The following CFAP54 variants were observed in gnomAD, a reference collection of about 807,000 sequenced individuals.
CFAP54 encodes cilia- and flagella-associated protein 54.
Under a neutral mutation model 370.4 loss-of-function variants are expected in CFAP54, and 290 were observed. That is an observed-to-expected ratio of 0.78 (90% CI 0.71 to 0.86). The LOEUF is 0.86. Ranked by LOEUF, CFAP54 falls within the 40% of genes least tolerant of loss-of-function variation. CFAP54 has a pLI of 0.00. For synonymous variants in CFAP54, 1,206 were observed against 1,236.5 expected (o/e 0.98, Z 0.52); for missense variants, 3,399 against 3,528.7 (o/e 0.96, Z 0.93).
Position 96,613,592 on chromosome 12 carries a change from A to C in CFAP54, c.3640-7998A>C, listed in dbSNP as rs533143589. On this transcript the variant is annotated intron_variant, in intron 26 of 67. Coordinates refer to ENST00000524981, the MANE Select transcript of CFAP54 (RefSeq NM_001306084.2). ...AATGAATCCAGGAGCTGGTTTTTTG[A>C]AAAGACCAACAAAATTGATAGACCA... 2.6e-5 allele frequency among the ~76,000 whole-genome samples: 4 copies of C among 152,306 alleles called. No individual in the cohort carries two copies. In the East Asian group the frequency reaches 7.7e-4, roughly 29 times the overall value.
Position 96,827,072 on chromosome 12 carries a change from A to G in CFAP54, c.9097-1942A>G, listed in dbSNP as rs959289042. 7.4e-5 allele frequency among the ~76,000 whole-genome samples: 10 copies of G among 135,760 alleles called. 1 individual carries two copies. The highest frequency in any genetic ancestry group is 2.7e-4 in the African/African-American group (10 of 36,752). 89.1% of individuals were successfully genotyped at this position (135,760 alleles called of 152,430 possible). A position where few individuals can be genotyped will look rare whatever the true frequency, so the allele number is the denominator to read the frequency against. ...TTATATGTGATTATATATAATATGCAATTATATGTGATTATATATAATGTG... is the reference window on the plus strand; with the variant it reads ...TTATATGTGATTATATATAATATGCGATTATATGTGATTATATATAATGTG... On this transcript the variant is annotated intron_variant, in intron 65 of 67. Coordinates refer to ENST00000524981, the MANE Select transcript of CFAP54 (RefSeq NM_001306084.2).
chr12:96,724,463 A>G (rs971400458), intron 50 of CFAP54, among the ~76,000 whole-genome samples: 3 of 152,208 alleles, frequency 2.0e-5, no homozygotes, highest in Admixed American at 1.3e-4. Context: ...TTTTGGCTGC[A>G]TAAATGTCTT....
In CFAP54 at chr12:96,626,867, TA is replaced by T; in HGVS notation, c.4035del (p.Lys1345AsnfsTer3). 7.0e-7 allele frequency: 1 copy of T among 1,427,230 alleles called. No homozygotes were observed. 88.4% of individuals were successfully genotyped at this position (1,427,230 alleles called of 1,614,324 possible). On this transcript the variant is annotated frameshift_variant, in exon 30 of 68. Coordinates refer to ENST00000524981, the MANE Select transcript of CFAP54 (RefSeq NM_001306084.2). LOFTEE classifies it high-confidence loss of function. The part of the protein sequence containing the change: ...RFLEFFTQVM[L>X]KCMNEEKFHL... ...CTGGAATTCTTTACACAAGTTATGC[TA>T]AAATGCATGAATGAGGAAAAATTTC...
intron 60 of CFAP54, among the ~76,000 whole-genome samples, chr12:96,778,830 G>A (rs970358979): frequency 2.6e-5 from 4 of 151,970 alleles, no homozygotes; most frequent in Admixed American, 1.3e-4. Flanking sequence ...AATCATGGCC[G>A]GGCGTGATGG....
chr12:96,637,421 T>C (rs562952887), intron 32 of CFAP54, among the ~76,000 whole-genome samples: 11 of 152,352 alleles, frequency 7.2e-5, no homozygotes, highest in Non-Finnish European at 1.6e-4. Flanking sequence ...TTCTTTCTTT[T>C]GGCGAATTTA....
At chr12:96,675,255 A>T (rs998669089) in intron 39 of CFAP54, among the ~76,000 whole-genome samples, 2 of 152,100 alleles carry the variant, frequency 1.3e-5, no homozygotes, top group Admixed American at 6.6e-5. Flanking sequence ...AAAACAAACA[A>T]CCCCATCAAC....
At position 96,784,842 on chromosome 12, in the gene CFAP54, C is replaced by T. The variant is rs1030492190; in HGVS notation, c.8407C>T (p.Arg2803Cys). The stretch of plus-strand genomic sequence containing the variant: ...GGATATTACATGGATCCTTCTACTG[C>T]GCTACTATATTCACCTTCAGAGGAT... The part of the protein sequence containing the change: ...KVDITWILLL[R>C]YYIHLQRINN... The change falls in exon 61 of 68, where the codon CGC becomes TGC. Residue 2803 changes from arginine to cysteine, a missense_variant. Around this residue, in one of 3 missense-constraint regions of CFAP54, gnomAD observed 2,796 missense variants for 2,869.7 expected, o/e 0.97. Coordinates refer to ENST00000524981, the MANE Select transcript of CFAP54 (RefSeq NM_001306084.2). 117 of 1,532,570 alleles carry T rather than the reference C, an allele frequency of 7.6e-5. No individual in the cohort carries two copies. Among genetic ancestry groups the T allele is most frequent in the Admixed American group, 2.0e-4 (10 of 50,670 alleles). The allele number at this position is 1,532,570 out of a possible 1,614,324, so 94.9% of individuals were successfully genotyped here.
chr12:96,564,512 C>A lies in CFAP54; in HGVS notation c.2455C>A (p.Pro819Thr). 1 of 698,794 alleles carries A rather than the reference C, an allele frequency of 1.4e-6. No individual in the cohort carries two copies. Among genetic ancestry groups the A allele is most frequent in the South Asian group, 1.5e-5 (1 of 66,716 alleles). The allele number at this position is 698,794 out of a possible 1,614,324, so 43.3% of individuals were successfully genotyped here. ...TAGCAAAGATATTTCTACCAAGGGT[C>A]CGGAAAAGTTAAAACAATCTGGAAG... ...TVSKDISTKG[P>T]EKLKQSGSTD... The change falls in exon 18 of 68, where the codon CCG (proline) becomes ACG (threonine). Residue 819 changes from proline to threonine, a missense_variant. Physicochemically the swap from Pro to Thr is conservative, Grantham distance 38. Coordinates refer to ENST00000524981, the MANE Select transcript of CFAP54 (RefSeq NM_001306084.2).
rs751441080 is a variant in CFAP54, at chr12:96,489,675, A to C, written c.66A>C (p.Pro22=). 6.5e-7 allele frequency: 1 copy of C among 1,535,834 alleles called. No homozygotes were observed. Among genetic ancestry groups the C allele is most frequent in the Non-Finnish European group, 8.7e-7 (1 of 1,146,688 alleles). ...ACTCTACCACCTCGGGGTCTCTGCC[A>C]GAACTGCCGCCGACCTCCACCGCGA... The part of the protein sequence containing the change: ...SDDSTTSGSL[P]ELPPTSTATS... Residue 22 remains proline, a synonymous_variant, in exon 1 of 68, where the codon CCA becomes CCC. Coordinates refer to ENST00000524981, the MANE Select transcript of CFAP54 (RefSeq NM_001306084.2).
intron 34 of CFAP54, among the ~76,000 whole-genome samples, chr12:96,649,230 A>T (rs1214291957): frequency 6.6e-6 from 1 of 152,228 alleles, no homozygotes; most frequent in African/African-American, 2.4e-5. Context: ...TGTGCATATC[A>T]TACTGTGTAT....
intron 60 of CFAP54, among the ~76,000 whole-genome samples, chr12:96,781,983 T>C (rs147849515): frequency 6.6e-6 from 1 of 152,222 alleles, no homozygotes; most frequent in Non-Finnish European, 1.5e-5. Flanking sequence ...AAGCAGCATA[T>C]TAAAAGATAC....
At chr12:96,806,159 A>AATATATATAT (rs548500750) in intron 63 of CFAP54, among the ~76,000 whole-genome samples, 35 of 27,874 alleles carry the variant, frequency 1.3e-3, no homozygotes, top group South Asian at 4.6e-3. Context: ...TCACTAGCCA[A>AATATATATAT]ATATATATAT....
At chr12:96,551,374 C>T (rs1955692298) in intron 15 of CFAP54, among the ~76,000 whole-genome samples, 1 of 151,990 alleles carries the variant, frequency 6.6e-6, no homozygotes, top group African/African-American at 2.4e-5. Context: ...GAAAATTCCT[C>T]CTCCTAATGA....
At chr12:96,716,878 T>A (rs1957687545) in intron 48 of CFAP54, among the ~76,000 whole-genome samples, 1 of 152,138 alleles carries the variant, frequency 6.6e-6, no homozygotes, top group African/African-American at 2.4e-5. Context: ...TAAGTGAACA[T>A]GATTAGTCTG....
intron 66 of CFAP54, among the ~76,000 whole-genome samples, chr12:96,858,481 G>A (rs377459608): frequency 1.3e-5 from 2 of 152,160 alleles, no homozygotes; most frequent in East Asian, 1.9e-4. Context: ...CTATGCAGAA[G>A]CTCTTAAGTT....
At chr12:96,813,336 C>G (rs1487552868) in intron 64 of CFAP54, among the ~76,000 whole-genome samples, 4 of 152,048 alleles carry the variant, frequency 2.6e-5, no homozygotes, top group Admixed American at 6.6e-5. Context: ...TTCTCTCATC[C>G]TGGGTGGCAT....
chr12:96,844,843 C>T (rs973181260), intron 66 of CFAP54, among the ~76,000 whole-genome samples: 1 of 152,114 alleles, frequency 6.6e-6, no homozygotes, highest in African/African-American at 2.4e-5. Context: ...ATGAAACGCC[C>T]CTGCTCTGTG....
chr12:96,664,078 C>A, intron 39 of CFAP54, 146 bp downstream of exon 39: 1 of 652,754 alleles, frequency 1.5e-6, no homozygotes, highest in Non-Finnish European at 2.7e-6. Flanking sequence ...ATTTGATTTT[C>A]GCCATCTTAC....
At chr12:96,637,997 C>G (rs1267961700) in intron 32 of CFAP54, among the ~76,000 whole-genome samples, 1 of 152,034 alleles carries the variant, frequency 6.6e-6, no homozygotes, top group Non-Finnish European at 1.5e-5. Context: ...TAAGAACACC[C>G]TATGATGTTC....
Sources: allele counts gnomAD v4.1 joint callset (sites outside exome capture counted in the v4.1 genomes callset), GRCh38; gene constraint gnomAD v4.1.1; regional missense constraint gnomAD v4.1.1; transcripts MANE v1.5; gene names NCBI Gene and HGNC (gene_info 2026-07-23, HGNC 2026-07-21).